The following HEATR5A variants were observed in gnomAD, a reference collection of about 807,000 sequenced individuals.
HEATR5A encodes the protein HEAT repeat-containing protein 5A.
Under a neutral mutation model 218.8 loss-of-function variants are expected in HEATR5A, and 178 were observed. That is an observed-to-expected ratio of 0.81 (90% CI 0.72 to 0.92). HEATR5A has a LOEUF of 0.92. Among genes scored for constraint, HEATR5A ranks in the 40% least tolerant of loss-of-function variants. HEATR5A has a pLI of 0.00. For missense variants in HEATR5A, 2,420 were observed against 2,418.9 expected, an observed-to-expected ratio of 1.00 and a Z score of -0.01; for synonymous variants, 864 against 871.6, an observed-to-expected ratio of 0.99 and a Z score of 0.15.
intron 22 of HEATR5A, chr14:31,334,196 G>A (rs1900573054): frequency 3.6e-6 from 1 of 274,586 alleles, no homozygotes; most frequent in African/African-American, 2.2e-5. Context: ...CACTGACAAT[G>A]TGCCTAGTTA....
intron 25 of HEATR5A, 38 bp from the exon 26 acceptor site, chr14:31,318,330 G>A: frequency 6.8e-7 from 1 of 1,473,428 alleles, no homozygotes; most frequent in Non-Finnish European, 9.5e-7. Flanking sequence ...ACATCAAGAA[G>A]TAAGACAGCA....
chr14:31,378,811 A>C (rs2029876795), intron 11 of HEATR5A, among the ~76,000 whole-genome samples: 1 of 151,610 alleles, frequency 6.6e-6, no homozygotes, highest in Non-Finnish European at 1.5e-5. Flanking sequence ...CAAAAAAAAA[A>C]AACACTACTT....
chr14:31,299,072 C>T (rs1454207141), intron 33 of HEATR5A, among the ~76,000 whole-genome samples: 3 of 152,130 alleles, frequency 2.0e-5, no homozygotes, highest in African/African-American at 7.2e-5. Flanking sequence ...CCTCTTCTTG[C>T]TCCAGAAACT....
Position 31,293,470 on chromosome 14 carries a change from T to G in HEATR5A, c.5976A>C (p.Ser1992=). ...QNLMQIGPQY[S]SVFKSLVASS... ...AAGCCACTAAACTTTTAAAAACAGA[T>G]GAATACTGAGGTCCAATTTGCATGA... Residue 1992 remains serine (S), a synonymous_variant, in exon 36 of 36, where the codon TCA becomes TCC. Coordinates refer to ENST00000543095, the MANE Select transcript of HEATR5A (RefSeq NM_015473.4). The G allele has an allele frequency of 1.2e-6, 2 of 1,613,942 alleles. No individual in the cohort carries two copies. Among genetic ancestry groups the G allele is most frequent in the Non-Finnish European group, 1.7e-6 (2 of 1,179,882 alleles).
rs773668638 is a variant in HEATR5A, at chr14:31,345,153, C to T, written c.2992G>A (p.Glu998Lys). 1.2e-6 allele frequency: 2 copies of T among 1,613,952 alleles called. No homozygotes were observed. The highest frequency in any genetic ancestry group is 3.3e-5 in the Admixed American group (2 of 60,008). The change falls in exon 20 of 36, where the codon GAA becomes AAA. Residue 998 changes from glutamate (E) to lysine (K), a missense_variant. Glu to Lys is a moderately conservative substitution (Grantham distance 56). Coordinates refer to ENST00000543095, the MANE Select transcript of HEATR5A (RefSeq NM_015473.4). ...CAGCGACCAAGGCTTTGGTGAACTT[C>T]AGCATGAGTAGGAGGCACATTTAAC... ...LLLNVPPTHA[E>K]VHQSLGRCLN...
At chr14:31,321,428 C>T in intron 25 of HEATR5A, 71 bp downstream of exon 25, 1 of 1,210,498 alleles carries the variant, frequency 8.3e-7, no homozygotes, top group South Asian at 1.7e-5. Flanking sequence ...AGGCATGAGC[C>T]ACCATGCCTG....
At chr14:31,386,976 T>C (rs939138174) in intron 8 of HEATR5A, 144 bp downstream of exon 8, 5 of 750,336 alleles carry the variant, frequency 6.7e-6, no homozygotes, top group African/African-American at 5.3e-5. Context: ...TTAAATTCTA[T>C]AGGAAGTACA....
At chr14:31,384,623 T>C (rs1292266604) in intron 9 of HEATR5A, among the ~76,000 whole-genome samples, 2 of 151,484 alleles carry the variant, frequency 1.3e-5, no homozygotes, top group South Asian at 4.2e-4. Context: ...GCCTTCCGGG[T>C]TTAAGTGATC....
At chr14:31,316,044 G>T in intron 26 of HEATR5A, 95 bp from the exon 27 acceptor site, 1 of 968,568 alleles carries the variant, frequency 1.0e-6, no homozygotes, top group South Asian at 2.1e-5. Context: ...AGCACTTTGG[G>T]AGGTGACGCA....
chr14:31,319,611 T>C (rs548166790), intron 25 of HEATR5A, among the ~76,000 whole-genome samples: 1 of 152,360 alleles, frequency 6.6e-6, no homozygotes, highest in African/African-American at 2.4e-5. Context: ...TTCTGAATAA[T>C]AATGAGAGAT....
Position 31,292,001 on chromosome 14 carries a change from G to A in HEATR5A, c.*1304C>T, listed in dbSNP as rs552977705. On this transcript the variant is annotated 3_prime_UTR_variant, in exon 36 of 36. Transcript: ENST00000543095. Reference sequence around the variant, plus strand: ...GTAATTTTTAAGAGGGAAATGCTCTGTTTTGACACAGTGCTTGATTCACAC... The same window carrying A: ...GTAATTTTTAAGAGGGAAATGCTCTATTTTGACACAGTGCTTGATTCACAC... 46 of 152,260 alleles carry A rather than the reference G, an allele frequency of 3.0e-4. No individual in the cohort carries two copies. The highest frequency in any genetic ancestry group is 1.1e-3 in the African/African-American group (45 of 41,554). 9.4% of individuals were successfully genotyped at this position (152,260 alleles called of 1,614,324 possible). A position where few individuals can be genotyped will look rare whatever the true frequency, so the allele number is the denominator to read the frequency against.
At chr14:31,298,292 G>C (rs1422616698) in intron 33 of HEATR5A, among the ~76,000 whole-genome samples, 1 of 152,152 alleles carries the variant, frequency 6.6e-6, no homozygotes, top group Non-Finnish European at 1.5e-5. Flanking sequence ...TTTTGGGCAG[G>C]AAACATTTAA....
At chr14:31,406,904 T>C (rs1244018150) in intron 1 of HEATR5A, among the ~76,000 whole-genome samples, 4 of 137,884 alleles carry the variant, frequency 2.9e-5, no homozygotes, top group South Asian at 2.3e-4. Flanking sequence ...GAGGTAGAGG[T>C]TGCAGTGAGC....
chr14:31,401,524 G>T (rs1446021484), intron 2 of HEATR5A, among the ~76,000 whole-genome samples: 1 of 152,114 alleles, frequency 6.6e-6, no homozygotes, highest in Non-Finnish European at 1.5e-5. Context: ...TGTGAGAACG[G>T]ACTAATACAC....
rs775500576 is a variant in HEATR5A at position 31,349,840 on chromosome 14, A to T, written c.2657T>A (p.Val886Glu). The change falls in exon 18 of 36, where the codon GTG becomes GAG. Residue 886 changes from valine (V) to glutamate (E), a missense_variant. Physicochemically the swap from Val to Glu is moderately radical, Grantham distance 121. Transcript: ENST00000543095. Reference protein sequence around the residue: ...AAESWARLAQVVDDGAFTAGL... With the variant: ...AAESWARLAQEVDDGAFTAGL... ...AGCAGTAAAAGCTCCATCATCTACC[A>T]CTTGGGCTAATCTAGCCCATGACTC... The T allele has an allele frequency of 2.5e-6, 4 of 1,613,084 alleles. No homozygotes were observed. The highest frequency in any genetic ancestry group is 3.4e-6 in the Non-Finnish European group (4 of 1,179,202).
chr14:31,305,098 C>T lies in HEATR5A; in HGVS notation c.5046G>A (p.Lys1682=). Residue 1682 remains lysine (K), a synonymous_variant, in exon 32 of 36, where the codon AAG becomes AAA. Coordinates refer to ENST00000543095, the MANE Select transcript of HEATR5A (RefSeq NM_015473.4). ...ATTCCAGTGTTGCAAAGACCAAAGACTTTCCAGGCACAAGTCCTCCGGTGT... is the reference window on the plus strand; with the variant it reads ...ATTCCAGTGTTGCAAAGACCAAAGATTTTCCAGGCACAAGTCCTCCGGTGT... ...GKDTGGLVPG[K]SLVFATLELC... 6.2e-7 allele frequency: 1 copy of T among 1,614,002 alleles called. No homozygotes were observed. The highest frequency in any genetic ancestry group is 8.5e-7 in the Non-Finnish European group (1 of 1,179,890).
intron 9 of HEATR5A, among the ~76,000 whole-genome samples, chr14:31,384,820 CCAGCCTACATA>C (rs2139279123): frequency 6.6e-6 from 1 of 152,142 alleles, no homozygotes; most frequent in East Asian, 1.9e-4. Context: ...GCCACCATGC[CCAGCCTACATA>C]ATTAATACAC....
In HEATR5A at chr14:31,383,718, G is replaced by A; in HGVS notation, c.1399C>T (p.Leu467=). 6.2e-7 allele frequency: 1 copy of A among 1,613,696 alleles called. No homozygotes were observed. ...VILHPSISVR[L]AAAWCLHCIA... ...CAGTGTAAACACCAAGCTGCTGCTA[G>A]TCGAACAGAAATGCTAGGATGAAGA... is the stretch of plus-strand genomic sequence containing the variant. The change falls in exon 10 of 36, where the codon CTA becomes TTA. Residue 467 remains leucine (L), a synonymous_variant. Transcript: ENST00000543095.
chr14:31,391,023 T>G (rs936288717), intron 6 of HEATR5A, among the ~76,000 whole-genome samples: 5 of 152,140 alleles, frequency 3.3e-5, no homozygotes, highest in Admixed American at 2.0e-4. Flanking sequence ...GTTCTGACTC[T>G]GTGTAGGCCT....
Sources: gnomAD v4.1 joint callset for allele counts (sites outside exome capture counted in the v4.1 genomes callset) on GRCh38, gnomAD v4.1.1 for gene constraint, MANE v1.5 for transcripts, NCBI Gene and HGNC (gene_info 2026-07-23, HGNC 2026-07-21) for gene names.